Variants in HDAC9 observed in about 807,000 individuals in gnomAD.
HDAC9 encodes the protein MEF-2 interacting transcription repressor (MITR) protein.
Under a neutral mutation model 139.4 loss-of-function variants are expected in HDAC9, and 41 were observed. That is an observed-to-expected ratio of 0.29 (90% CI 0.23 to 0.38). HDAC9 has a LOEUF of 0.38. HDAC9 is among the 10% of genes least tolerant of loss of function. HDAC9 has a pLI of 1.00. For missense variants in HDAC9, 1,147 were observed against 1,297.0 expected, an observed-to-expected ratio of 0.88 and a Z score of 1.78; for synonymous variants, 517 against 476.2, an observed-to-expected ratio of 1.09 and a Z score of -1.12.
At chr7:18,280,095 A>G (rs1359642542) in intron 2 of HDAC9, among the ~76,000 whole-genome samples, 1 of 152,206 alleles carries the variant, frequency 6.6e-6, no homozygotes, top group Admixed American at 6.5e-5. Context: ...AGGCACTGGA[A>G]ATAAAATGAA....
intron 13 of HDAC9, among the ~76,000 whole-genome samples, chr7:18,744,336 A>G (rs1057402603): frequency 6.6e-6 from 1 of 152,202 alleles, no homozygotes; most frequent in African/African-American, 2.4e-5. Flanking sequence ...TGAAGCTGCT[A>G]GAATCTGGAA....
At chr7:18,823,554 G>C (rs1023832303) in intron 17 of HDAC9, among the ~76,000 whole-genome samples, 1 of 152,134 alleles carries the variant, frequency 6.6e-6, no homozygotes, top group African/African-American at 2.4e-5. Flanking sequence ...AAGTATGTCT[G>C]TGCCTCCCCA....
intron 5 of HDAC9, among the ~76,000 whole-genome samples, chr7:18,591,849 TA>T (rs1375480938): frequency 1.3e-5 from 2 of 152,110 alleles, no homozygotes; most frequent in African/African-American, 2.4e-5. Context: ...CACGGTCCTA[TA>T]AAATAACATG....
intron 1 of HDAC9, among the ~76,000 whole-genome samples, chr7:18,357,551 T>C (rs924990195): frequency 6.6e-6 from 1 of 151,992 alleles, no homozygotes; most frequent in Non-Finnish European, 1.5e-5. Flanking sequence ...CAAAACAGTA[T>C]ATAAACAAAA....
intron 2 of HDAC9, among the ~76,000 whole-genome samples, chr7:18,549,113 C>T (rs1187235053): frequency 6.6e-6 from 1 of 152,122 alleles, no homozygotes; most frequent in African/African-American, 2.4e-5. Context: ...TGGTGCGTGC[C>T]TGTAGTCCCA....
At chr7:18,830,292 C>T (rs934802803) in intron 19 of HDAC9, among the ~76,000 whole-genome samples, 19 of 152,148 alleles carry the variant, frequency 1.2e-4, no homozygotes, top group African/African-American at 4.6e-4. Context: ...TTATGAGCCC[C>T]GTTTTCAGTT....
chr7:18,679,131 C>A (rs1473157482), intron 12 of HDAC9, among the ~76,000 whole-genome samples: 1 of 151,874 alleles, frequency 6.6e-6, no homozygotes, highest in Non-Finnish European at 1.5e-5. Context: ...AATTCTTAGT[C>A]CTGTATTCAC....
intron 2 of HDAC9, among the ~76,000 whole-genome samples, chr7:18,207,334 A>C (rs1374331120): frequency 6.6e-6 from 1 of 152,090 alleles, no homozygotes; most frequent in Non-Finnish European, 1.5e-5. Context: ...ATAAATAAGA[A>C]GAAAGTCCTA....
At chr7:18,149,115 T>C (rs1427066923) in intron 1 of HDAC9, among the ~76,000 whole-genome samples, 3 of 152,170 alleles carry the variant, frequency 2.0e-5, no homozygotes, top group African/African-American at 4.8e-5. Context: ...GACTTTAAGA[T>C]GTTACCCAAT....
Position 18,647,791 on chromosome 7 carries a change from A to G in HDAC9, c.1042A>G (p.Asn348Asp), listed in dbSNP as rs1190599887. 2 of 1,607,124 alleles carry G rather than the reference A, an allele frequency of 1.2e-6. No homozygotes were observed. Among genetic ancestry groups the G allele is most frequent in the Non-Finnish European group, 8.5e-7 (1 of 1,176,576 alleles). Residue 348 changes from asparagine to aspartate, a missense_variant, in exon 10 of 26, where the codon AAT becomes GAT. Physicochemically the swap from Asn to Asp is conservative, Grantham distance 23. Coordinates refer to ENST00000686413, the MANE Select transcript of HDAC9 (RefSeq NM_178425.4). ...TTGTTATTTCTCAACACAGGCTTCG[A>G]ATTCACTCAAAGAAAAGCAGAAGTG... is the stretch of plus-strand genomic sequence containing the variant. ...PAVPSQLNAS[N>D]SLKEKQKCET...
At chr7:18,168,902 T>TGG in intron 2 of HDAC9, among the ~76,000 whole-genome samples, 1 of 120,846 alleles carries the variant, frequency 8.3e-6, no homozygotes, top group Non-Finnish European at 1.7e-5. Context: ...TTTTTTTGTG[T>TGG]GTGTGTGTGT....
intron 2 of HDAC9, among the ~76,000 whole-genome samples, chr7:18,522,372 C>T (rs748148884): frequency 6.6e-6 from 1 of 152,106 alleles, no homozygotes; most frequent in African/African-American, 2.4e-5. Flanking sequence ...AAGCTCCGTG[C>T]TGGGAAACTC....
chr7:18,098,595 A>C (rs1294166028), intron 1 of HDAC9, among the ~76,000 whole-genome samples: 1 of 152,214 alleles, frequency 6.6e-6, no homozygotes, highest in Admixed American at 6.5e-5. Flanking sequence ...GGCGATACAC[A>C]CAAAAGATTG....
chr7:18,938,222 C>T (rs367702846), intron 23 of HDAC9, among the ~76,000 whole-genome samples: 4 of 119,190 alleles, frequency 3.4e-5, no homozygotes, highest in African/African-American at 1.3e-4. Context: ...CAGAGCGAGA[C>T]TCCGTCTCAA....
At chr7:18,347,605 G>A (rs1287520234) in intron 1 of HDAC9, among the ~76,000 whole-genome samples, 2 of 151,928 alleles carry the variant, frequency 1.3e-5, no homozygotes, top group South Asian at 2.1e-4. Context: ...TTTATCTTAC[G>A]TTATTTTATT....
chr7:18,205,270 C>G (rs1299574388), intron 2 of HDAC9, among the ~76,000 whole-genome samples: 3 of 151,794 alleles, frequency 2.0e-5, no homozygotes. Flanking sequence ...ATTCACTGAT[C>G]TATTTCAAAT....
intron 1 of HDAC9, among the ~76,000 whole-genome samples, chr7:18,117,944 T>G (rs1784114245): frequency 6.6e-6 from 1 of 152,200 alleles, no homozygotes; most frequent in South Asian, 2.1e-4. Context: ...TCCTCTCTTA[T>G]GTTATTATCA....
intron 2 of HDAC9, among the ~76,000 whole-genome samples, chr7:18,549,786 A>C (rs1445799843): frequency 6.6e-6 from 1 of 151,750 alleles, no homozygotes; most frequent in Admixed American, 6.6e-5. Context: ...GCACACGCAC[A>C]CCCACACCCA....
At chr7:18,328,418 G>A (rs1327479210) in intron 1 of HDAC9, among the ~76,000 whole-genome samples, 4 of 151,998 alleles carry the variant, frequency 2.6e-5, no homozygotes, top group African/African-American at 9.6e-5. Flanking sequence ...CCAGATATTA[G>A]TGTATAACCA....
Sources: gnomAD v4.1 joint callset for allele counts (sites outside exome capture counted in the v4.1 genomes callset) on GRCh38, gnomAD v4.1.1 for gene constraint, MANE v1.5 for transcripts, NCBI Gene and HGNC (gene_info 2026-07-23, HGNC 2026-07-21) for gene names.